Variants in TRIP11 observed in about 807,000 individuals in gnomAD.
TRIP11 encodes the protein thyroid receptor-interacting protein 11.
TRIP11 carries 148 observed loss-of-function variants against 223.1 expected under a neutral mutation model. The ratio of observed to expected loss-of-function variants is 0.66; its 90% CI spans 0.58 to 0.76. The LOEUF (loss-of-function observed/expected upper bound fraction) is 0.76. Among genes scored for constraint, TRIP11 ranks in the 30% least tolerant of loss-of-function variants. The pLI is 0.00. For synonymous variants in TRIP11, 762 were observed against 772.6 expected, an observed-to-expected ratio of 0.99 and a Z score of 0.23; for missense variants, 2,043 against 2,222.0, an observed-to-expected ratio of 0.92 and a Z score of 1.62.
intron 16 of TRIP11, 111 bp downstream of exon 16, chr14:91,988,173 C>A (rs2056625617): frequency 2.6e-6 from 2 of 782,818 alleles, no homozygotes; most frequent in African/African-American, 1.8e-5. Context: ...AAATGGAAGT[C>A]ACACATCAAT....
chr14:91,988,128 T>C (rs1332058442), intron 16 of TRIP11, among the ~76,000 whole-genome samples, 156 bp downstream of exon 16: 1 of 152,174 alleles, frequency 6.6e-6, no homozygotes, highest in African/African-American at 2.4e-5. Context: ...ACTAGGACCA[T>C]ACTTAAATTG....
rs555870676 is a variant in TRIP11, at chr14:91,966,970, C to T, written c.*2703G>A. The T allele has an allele frequency of 6.3e-4, 128 of 201,888 alleles. No individual in the cohort carries two copies. The highest frequency in any genetic ancestry group is 2.8e-3 in the African/African-American group (124 of 43,528). The allele number at this position is 201,888 out of a possible 1,614,324, so 12.5% of individuals were successfully genotyped here. A position where few individuals can be genotyped will look rare whatever the true frequency, so the allele number is the denominator to read the frequency against. On this transcript the variant is annotated 3_prime_UTR_variant, in exon 21 of 21. Coordinates refer to ENST00000267622, the MANE Select transcript of TRIP11 (RefSeq NM_004239.4). ...TTGCCAACATTAGAATTATATGCTT[C>T]ATCACTGGTTACTAAGACGGTTCAG...
rs1399798730 is a variant in TRIP11 at position 92,037,544 on chromosome 14, G to A, written c.139+2003C>T. Among the ~76,000 whole-genome samples the A allele has an allele frequency of 6.6e-6, 1 of 152,232 alleles. No homozygotes were observed. Among genetic ancestry groups the A allele is most frequent in the Non-Finnish European group, 1.5e-5 (1 of 68,044 alleles). ...TGTGCGTACAAGCAAGCATATATATGTGCACATGTACAGCAACTGGTATGG... is the reference window on the plus strand; with the variant it reads ...TGTGCGTACAAGCAAGCATATATATATGCACATGTACAGCAACTGGTATGG... On this transcript the variant is annotated intron_variant, in intron 1 of 20. Transcript: ENST00000267622. The surrounding 1 kb of genome is among the most constrained non-coding windows in gnomAD (Gnocchi z 4.2).
At chr14:92,029,277 ATTATTTTTTTTTTTTTTT>A (rs1220383115) in intron 2 of TRIP11, among the ~76,000 whole-genome samples, 20 of 97,144 alleles carry the variant, frequency 2.1e-4, no homozygotes, top group African/African-American at 9.4e-4. Flanking sequence ...TGCCCAAAGT[ATTATTTTTTTTTTTTTTT>A]TTTTTTTTTT....
intron 16 of TRIP11, among the ~76,000 whole-genome samples, chr14:91,986,046 AC>A (rs959731930): frequency 2.3e-4 from 35 of 152,238 alleles, no homozygotes; most frequent in African/African-American, 8.2e-4. Flanking sequence ...GTCTCTTTAC[AC>A]CCCTTCCTGT....
intron 1 of TRIP11, among the ~76,000 whole-genome samples, chr14:92,034,763 G>C (rs1368425817): frequency 1.3e-5 from 2 of 152,156 alleles, no homozygotes; most frequent in Non-Finnish European, 2.9e-5. Flanking sequence ...CTTCCAAGTA[G>C]TTGGAACTAC....
intron 13 of TRIP11, 57 bp downstream of exon 13, chr14:91,999,183 A>C: frequency 6.4e-7 from 1 of 1,556,626 alleles, no homozygotes. Context: ...ATACTTACTG[A>C]GTCTGATATT....
chr14:91,992,836 G>A (rs1019142637), intron 15 of TRIP11, among the ~76,000 whole-genome samples: 5 of 146,248 alleles, frequency 3.4e-5, no homozygotes, highest in African/African-American at 1.3e-4. Context: ...GTGAACCCAG[G>A]AGGGGGAGTT....
At chr14:92,038,319 T>A (rs1226217635) in intron 1 of TRIP11, among the ~76,000 whole-genome samples, 1 of 152,112 alleles carries the variant, frequency 6.6e-6, no homozygotes, top group Admixed American at 6.5e-5. Context: ...CTATCTAGGA[T>A]ACAAGGAGCG....
At chr14:92,010,685 T>C (rs1453364430) in intron 9 of TRIP11, among the ~76,000 whole-genome samples, 1 of 152,028 alleles carries the variant, frequency 6.6e-6, no homozygotes, top group African/African-American at 2.4e-5. Flanking sequence ...CCTCCTGACC[T>C]ACCTGTGTAT....
chr14:91,992,037 C>T (rs191128120), intron 15 of TRIP11, among the ~76,000 whole-genome samples: 12 of 135,862 alleles, frequency 8.8e-5, no homozygotes, highest in Admixed American at 3.2e-4. Flanking sequence ...GCTGAGATCA[C>T]GCCCTTGCAC....
chr14:92,003,581 A>G lies in TRIP11; in HGVS notation c.4395T>C (p.Asn1465=). ...EMDIGKLKGE[N]EKIVETYRGK... ...CCCTGTATGTTTCCACTATTTTTTCATTTTCTCCTTTTAGTTTGCCAATGT... is the reference window on the plus strand; with the variant it reads ...CCCTGTATGTTTCCACTATTTTTTCGTTTTCTCCTTTTAGTTTGCCAATGT... Residue 1465 remains asparagine, a synonymous_variant, in exon 11 of 21, where the codon AAT becomes AAC. Transcript: ENST00000267622. 5.0e-6 allele frequency: 8 copies of G among 1,613,354 alleles called. No individual in the cohort carries two copies. The highest frequency in any genetic ancestry group is 6.8e-6 in the Non-Finnish European group (8 of 1,179,832).
In TRIP11 at chr14:92,039,682, A is replaced by C. The variant is rs1303951327; in HGVS notation, c.4T>G (p.Ser2Ala). 6.2e-7 allele frequency: 1 copy of C among 1,611,866 alleles called. No individual in the cohort carries two copies. The highest frequency in any genetic ancestry group is 8.5e-7 in the Non-Finnish European group (1 of 1,179,138). Residue 2 changes from serine (S) to alanine (A), a missense_variant, in exon 1 of 21, where the codon TCG (serine) becomes GCG (alanine). By Grantham distance (99) the Ser-to-Ala change is moderately conservative. Transcript: ENST00000267622. Reference protein sequence around the residue: MSSWLGGLGSGL... With the variant: MASWLGGLGSGL... ...GAGCCGAGGCCCCCAAGCCAGGACG[A>C]CATCGCGGCGAGTTTAGAGAACGAC...
In TRIP11 at chr14:91,969,610, GT is replaced by G. The variant is rs2056375916; in HGVS notation, c.*62del. 1 of 1,520,710 alleles carries G rather than the reference GT, an allele frequency of 6.6e-7. No individual in the cohort carries two copies. The highest frequency in any genetic ancestry group is 1.7e-5 in the Admixed American group (1 of 59,842). 94.2% of individuals were successfully genotyped at this position (1,520,710 alleles called of 1,614,324 possible). ...TCCCCAAAGGCCACTTTGTGATAAA[GT>G]ACATACATATAGTGTTCATGGTTTC... On this transcript the variant is annotated 3_prime_UTR_variant, in exon 21 of 21. Transcript: ENST00000267622.
intron 16 of TRIP11, among the ~76,000 whole-genome samples, chr14:91,983,632 T>C (rs546913219): frequency 1.3e-5 from 2 of 152,248 alleles, no homozygotes; most frequent in South Asian, 2.1e-4. Flanking sequence ...TTGTCTAGTA[T>C]ACCCAGATGT....
At chr14:91,983,915 C>T (rs187042968) in intron 16 of TRIP11, among the ~76,000 whole-genome samples, 175 of 152,240 alleles carry the variant, frequency 1.1e-3, no homozygotes, top group Non-Finnish European at 2.0e-3. Context: ...GGTAGTTCCA[C>T]GAAAAATATT....
At chr14:91,999,535 G>T in intron 12 of TRIP11, 102 bp from the exon 13 acceptor site, 1 of 1,252,208 alleles carries the variant, frequency 8.0e-7, no homozygotes, top group Non-Finnish European at 1.1e-6. Flanking sequence ...GATATTAATT[G>T]TATACCAATT....
At chr14:91,993,066 A>C (rs1157582438) in intron 15 of TRIP11, among the ~76,000 whole-genome samples, 4 of 151,750 alleles carry the variant, frequency 2.6e-5, no homozygotes, top group Non-Finnish European at 5.9e-5. Context: ...GAATAGAAAA[A>C]TATTTTAAAG....
chr14:92,001,942 TG>T (rs1375728700), intron 11 of TRIP11, among the ~76,000 whole-genome samples: 1 of 152,100 alleles, frequency 6.6e-6, no homozygotes, highest in Non-Finnish European at 1.5e-5. Flanking sequence ...AAGGAAAAAA[TG>T]AAGTTTTCAC....
Sources: gnomAD v4.1 joint callset for allele counts (sites outside exome capture counted in the v4.1 genomes callset) on GRCh38, gnomAD v4.1.1 for gene constraint, Gnocchi (gnomAD v3.1) non-coding constraint, MANE v1.5 for transcripts, NCBI Gene and HGNC (gene_info 2026-07-23, HGNC 2026-07-21) for gene names.